Variants in FHOD3 observed in about 807,000 individuals in gnomAD.
The protein encoded by FHOD3 is FH1/FH2 domain-containing protein 3.
In FHOD3, 90 loss-of-function variants were observed where a neutral mutation model predicts 173.0. That is an observed-to-expected ratio of 0.52 (90% CI 0.44 to 0.62). The LOEUF is 0.62. Among genes scored for constraint, FHOD3 ranks in the 20% least tolerant of loss-of-function variants. The pLI, the probability that FHOD3 is intolerant of heterozygous loss-of-function variation, is 0.00. For missense variants in FHOD3, 1,945 were observed against 2,034.7 expected, an observed-to-expected ratio of 0.96 and a Z score of 0.85; for synonymous variants, 828 against 823.0, an observed-to-expected ratio of 1.01 and a Z score of -0.10.
At chr18:36,441,576 G>T (rs950143226) in intron 3 of FHOD3, among the ~76,000 whole-genome samples, 1 of 152,178 alleles carries the variant, frequency 6.6e-6, no homozygotes, top group Non-Finnish European at 1.5e-5. Context: ...CAGAGTCCCT[G>T]CTGGCAGAAT....
chr18:36,716,916 G>C (rs1474098905), intron 18 of FHOD3, among the ~76,000 whole-genome samples: 1 of 110,702 alleles, frequency 9.0e-6, no homozygotes, highest in Non-Finnish European at 2.1e-5. Flanking sequence ...ATATGTGTAT[G>C]TGTGTGTGTG....
chr18:36,563,015 G>A (rs1056363080), intron 5 of FHOD3, among the ~76,000 whole-genome samples: 9 of 152,188 alleles, frequency 5.9e-5, no homozygotes, highest in African/African-American at 1.9e-4. Flanking sequence ...CACAGTTTAT[G>A]TGGCCTTTGC....
At chr18:36,534,960 G>A (rs937092638) in intron 5 of FHOD3, among the ~76,000 whole-genome samples, 30 of 152,252 alleles carry the variant, frequency 2.0e-4, no homozygotes, top group African/African-American at 7.2e-4. Context: ...TACTGGGCCA[G>A]TCTGGGCCAC....
chr18:36,361,495 G>A (rs2145868464), intron 2 of FHOD3, among the ~76,000 whole-genome samples: 1 of 152,128 alleles, frequency 6.6e-6, no homozygotes, highest in Non-Finnish European at 1.5e-5. Context: ...CTACCAGCCT[G>A]GCCAACATGG....
chr18:36,400,796 G>A (rs532551991), intron 3 of FHOD3, among the ~76,000 whole-genome samples: 13 of 152,324 alleles, frequency 8.5e-5, no homozygotes, highest in African/African-American at 3.1e-4. Context: ...CTTTGGGATG[G>A]CATCCTCTTT....
rs184063718 is a variant in FHOD3 at position 36,552,793 on chromosome 18, C to T, written c.512-23658C>T. 3.8e-4 allele frequency among the ~76,000 whole-genome samples: 58 copies of T among 152,194 alleles called. 1 individual carries two copies. The highest frequency in any genetic ancestry group is 1.2e-3 in the African/African-American group (49 of 41,558). On this transcript the variant is annotated intron_variant, in intron 5 of 28. Coordinates refer to ENST00000590592, the MANE Select transcript of FHOD3 (RefSeq NM_001281740.3). ...GATTACAGGCATGAGCCACTGCGCC[C>T]GGCCAATACCCTTTATTTCTTTCTC...
intron 1 of FHOD3, among the ~76,000 whole-genome samples, chr18:36,304,384 G>A (rs1324046736): frequency 6.6e-6 from 1 of 152,034 alleles, no homozygotes; most frequent in Admixed American, 6.5e-5. Flanking sequence ...ATGTGGGGAG[G>A]GCTCATGATA....
chr18:36,689,848 A>T (rs768297246), intron 16 of FHOD3, among the ~76,000 whole-genome samples: 12 of 152,170 alleles, frequency 7.9e-5, no homozygotes, highest in Admixed American at 6.5e-5. Flanking sequence ...TTGTGCATGA[A>T]AATGATCAAT....
intron 19 of FHOD3, among the ~76,000 whole-genome samples, chr18:36,721,965 A>G (rs1045973210): frequency 6.6e-6 from 1 of 152,254 alleles, no homozygotes; most frequent in African/African-American, 2.4e-5. Context: ...TAAGCCACCC[A>G]AAAACAAAGA....
intron 1 of FHOD3, among the ~76,000 whole-genome samples, chr18:36,326,374 G>T (rs968737239): frequency 2.0e-5 from 3 of 152,160 alleles, no homozygotes; most frequent in Non-Finnish European, 4.4e-5. Context: ...TTTTAGTGCT[G>T]TTTCTCATAT....
chr18:36,768,539 A>G (rs1468924506), intron 27 of FHOD3, among the ~76,000 whole-genome samples: 1 of 152,182 alleles, frequency 6.6e-6, no homozygotes, highest in Non-Finnish European at 1.5e-5. Flanking sequence ...ATACTGAGGG[A>G]TGACTGTACT....
At chr18:36,745,881 A>C (rs1361426186) in intron 23 of FHOD3, among the ~76,000 whole-genome samples, 1 of 146,724 alleles carries the variant, frequency 6.8e-6, no homozygotes, top group Non-Finnish European at 1.5e-5. Flanking sequence ...AACCCCGCGC[A>C]CCTCCTGCTG....
At chr18:36,313,064 G>T (rs918822437) in intron 1 of FHOD3, among the ~76,000 whole-genome samples, 3 of 152,150 alleles carry the variant, frequency 2.0e-5, no homozygotes, top group African/African-American at 7.2e-5. Flanking sequence ...TCTCCCCAGG[G>T]TCTCTCTAGT....
chr18:36,777,198 C>CTT (rs11294880), intron 28 of FHOD3, among the ~76,000 whole-genome samples: 1,295 of 108,764 alleles, frequency 0.012, 26 homozygotes, highest in African/African-American at 0.031. Flanking sequence ...TCTTCTTTTT[C>CTT]TTTTTTTTTT....
At chr18:36,644,646 G>T (rs543733770) in intron 10 of FHOD3, among the ~76,000 whole-genome samples, 1 of 152,336 alleles carries the variant, frequency 6.6e-6, no homozygotes, top group African/African-American at 2.4e-5. Context: ...AAGACAGCTT[G>T]GGATGTAGGT....
At chr18:36,776,661 AG>A (rs1339140633) in intron 28 of FHOD3, among the ~76,000 whole-genome samples, 4 of 152,194 alleles carry the variant, frequency 2.6e-5, no homozygotes, top group Non-Finnish European at 5.9e-5. Context: ...CTCGCTTTTC[AG>A]GGATACATCT....
At chr18:36,369,308 G>A (rs2047047594) in intron 2 of FHOD3, among the ~76,000 whole-genome samples, 1 of 152,084 alleles carries the variant, frequency 6.6e-6, no homozygotes, top group African/African-American at 2.4e-5. Flanking sequence ...ATGGCCATAT[G>A]TAAAAGAAAT....
chr18:36,636,517 T>A (rs2034893923), intron 10 of FHOD3, among the ~76,000 whole-genome samples: 1 of 152,154 alleles, frequency 6.6e-6, no homozygotes, highest in South Asian at 2.1e-4. Context: ...GTAGCCTAAA[T>A]GCCTTTGATC....
intron 28 of FHOD3, among the ~76,000 whole-genome samples, chr18:36,775,499 G>A (rs1443042225): frequency 5.3e-5 from 8 of 152,082 alleles, no homozygotes; most frequent in East Asian, 1.9e-4. Context: ...TCTCTGGTCC[G>A]GGTTTGCTCA....
Sources: gnomAD v4.1 joint callset for allele counts (sites outside exome capture counted in the v4.1 genomes callset) on GRCh38, gnomAD v4.1.1 for gene constraint, MANE v1.5 for transcripts, NCBI Gene and HGNC (gene_info 2026-07-23, HGNC 2026-07-21) for gene names.